The following DIPK2B variants were observed in gnomAD, a reference collection of about 807,000 sequenced individuals.
DIPK2B encodes UPF0672 protein CXorf36.
In DIPK2B, 15 loss-of-function variants were observed where a neutral mutation model predicts 22.2. The ratio of observed to expected loss-of-function variants is 0.68; its 90% CI spans 0.45 to 1.04. The LOEUF (loss-of-function observed/expected upper bound fraction) is 1.04, where lower values mean the gene tolerates loss of function less well. Ranked by LOEUF, DIPK2B falls within the 50% of genes least tolerant of loss-of-function variation. The pLI is 0.00. For missense variants in DIPK2B, 345 were observed against 348.3 expected (o/e 0.99, Z 0.08); for synonymous variants, 163 against 153.2 (o/e 1.06, Z -0.47).
chrX:45,192,158 A>G (rs1434283876), intron 1 of DIPK2B, 143 bp from the exon 2 acceptor site: 6 of 612,394 alleles, frequency 9.8e-6, no homozygotes, highest in Non-Finnish European at 1.5e-5. Flanking sequence ...CTGTGAGAGG[A>G]CTATTTTTGC....
At position 45,191,196 on chromosome X, in the gene DIPK2B, C is replaced by T. The variant is rs1260482264; in HGVS notation, c.498+555G>A. On this transcript the variant is annotated intron_variant, in intron 2 of 4. Transcript: ENST00000398000. ...GCTGAAGTTCCCAGCACAGCATGCC[C>T]ATGGGAGTGGGTGGGAGGCTGTCAG... is the stretch of plus-strand genomic sequence containing the variant. 2.7e-5 allele frequency among the ~76,000 whole-genome samples: 3 copies of T among 112,533 alleles called. No individual in the cohort carries two copies. In the East Asian group the frequency reaches 8.4e-4, roughly 31 times the overall value.
chrX:45,156,871 A>G (rs1428460352), intron 3 of DIPK2B, among the ~76,000 whole-genome samples: 1 of 109,053 alleles, frequency 9.2e-6, no homozygotes, highest in African/African-American at 3.3e-5. Flanking sequence ...TTCCTCCTCT[A>G]CCTGCACCTT....
rs748641976 is a variant in DIPK2B, at chrX:45,160,221, T to A, written c.499-2333A>T. On this transcript the variant is annotated intron_variant, in intron 2 of 4. Transcript: ENST00000398000. ...TCTCAGGTAGATCTTTTTTTTTTTT[T>A]AATGAGACAAAGTTTCACTCTTGTC... Among the ~76,000 whole-genome samples the A allele has an allele frequency of 2.8e-5, 3 of 108,407 alleles. No individual in the cohort carries two copies. In the South Asian group the frequency reaches 1.2e-3, roughly 43 times the overall value. The allele number at this position is 108,407 out of a possible 115,157, so 94.1% of individuals were successfully genotyped here.
At chrX:45,188,560 T>A (rs895342018) in intron 2 of DIPK2B, among the ~76,000 whole-genome samples, 1 of 112,638 alleles carries the variant, frequency 8.9e-6, no homozygotes, top group Non-Finnish European at 1.9e-5. Context: ...TATGGCTTAT[T>A]CTTTTTAAAA....
intron 2 of DIPK2B, among the ~76,000 whole-genome samples, chrX:45,159,851 T>C (rs930703197): frequency 1.8e-5 from 2 of 112,398 alleles, no homozygotes; most frequent in African/African-American, 6.5e-5. Context: ...ATTAAAATTA[T>C]ACATTCAAAC....
At chrX:45,182,128 T>G (rs187461777) in intron 2 of DIPK2B, among the ~76,000 whole-genome samples, 170 of 108,026 alleles carry the variant, frequency 1.6e-3, no homozygotes, top group Non-Finnish European at 1.9e-3. Context: ...CCAGCCTGGA[T>G]GAAGATATTT....
rs187454505 is a variant in DIPK2B at position 45,166,572 on chromosome X, C to T, written c.499-8684G>A. On this transcript the variant is annotated intron_variant, in intron 2 of 4. Coordinates refer to ENST00000398000, the MANE Select transcript of DIPK2B (RefSeq NM_176819.4). ...TGTCATAGCATTCACCATCCTGTGC[C>T]CCGGTATAACCACATTATCCTCAAG... 9.0e-5 allele frequency among the ~76,000 whole-genome samples: 10 copies of T among 111,398 alleles called. No individual in the cohort carries two copies. In the East Asian group the frequency reaches 1.7e-3, roughly 19 times the overall value.
At position 45,164,242 on chromosome X, in the gene DIPK2B, T is replaced by C. The variant is rs375902907; in HGVS notation, c.499-6354A>G. On this transcript the variant is annotated intron_variant, in intron 2 of 4. Transcript: ENST00000398000. ...GAACTTTAGTTCTCTCTGGCCCTGG[T>C]GACAGTCCTGAAAATTTAAAATGAT... The C allele has an allele frequency of 6.7e-6, 8 of 1,197,887 alleles. No homozygotes were observed. In the East Asian group the frequency reaches 2.4e-4, roughly 36 times the overall value.
Position 45,148,389 on chromosome X carries a change from G to A in DIPK2B, c.*3263C>T, listed in dbSNP as rs930087047. 1 of 111,013 alleles carries A rather than the reference G, an allele frequency of 9.0e-6. No homozygotes were observed. Among genetic ancestry groups the A allele is most frequent in the Non-Finnish European group, 1.9e-5 (1 of 53,020 alleles). 9.1% of individuals were successfully genotyped at this position (111,013 alleles called of 1,213,427 possible). A position where few individuals can be genotyped will look rare whatever the true frequency, so the allele number is the denominator to read the frequency against. ...GAGGCTGGGTAATTGATAAAGAAAA[G>A]AGCTTTATTTTGGTTTATGGTTCTG... On this transcript the variant is annotated 3_prime_UTR_variant, in exon 5 of 5. Coordinates refer to ENST00000398000, the MANE Select transcript of DIPK2B (RefSeq NM_176819.4).
intron 3 of DIPK2B, among the ~76,000 whole-genome samples, chrX:45,155,044 T>C (rs1040916708): frequency 1.8e-5 from 2 of 112,526 alleles, no homozygotes; most frequent in Middle Eastern, 4.2e-3. Context: ...TCCCAGCACT[T>C]TGGGAGGCCG....
At chrX:45,181,861 A>G (rs980908415) in intron 2 of DIPK2B, among the ~76,000 whole-genome samples, 9 of 111,704 alleles carry the variant, frequency 8.1e-5, no homozygotes, top group African/African-American at 2.3e-4. Flanking sequence ...AAGAATTCCA[A>G]TTCATCAAAA....
chrX:45,157,680 C>G (rs750173316), intron 3 of DIPK2B, 35 bp downstream of exon 3: 5 of 1,151,448 alleles, frequency 4.3e-6, no homozygotes, highest in East Asian at 6.4e-5. Flanking sequence ...CAAGATTGAC[C>G]CCCAACCTAG....
At chrX:45,185,230 A>G (rs1176141010) in intron 2 of DIPK2B, among the ~76,000 whole-genome samples, 1 of 112,384 alleles carries the variant, frequency 8.9e-6, no homozygotes. Context: ...GGACATGCAT[A>G]GAGGGACAGC....
chrX:45,157,957 A>T, intron 2 of DIPK2B, 69 bp from the exon 3 acceptor site: 23 of 298,228 alleles, frequency 7.7e-5, no homozygotes, highest in Non-Finnish European at 1.0e-4. Flanking sequence ...GGGGGTTAGC[A>T]GGAGGGGGAA....
intron 3 of DIPK2B, among the ~76,000 whole-genome samples, chrX:45,156,356 C>T (rs2148333863): frequency 9.0e-6 from 1 of 111,514 alleles, no homozygotes; most frequent in South Asian, 3.7e-4. Context: ...CACAGCCATT[C>T]CCGGGTTCCA....
chrX:45,181,299 T>G (rs749457551), intron 2 of DIPK2B, among the ~76,000 whole-genome samples: 3 of 112,223 alleles, frequency 2.7e-5, no homozygotes, highest in African/African-American at 9.7e-5. Flanking sequence ...GGTGTCACTT[T>G]TCTTCAAATT....
chrX:45,196,215 G>A (rs181886289), intron 1 of DIPK2B, among the ~76,000 whole-genome samples: 8 of 111,523 alleles, frequency 7.2e-5, no homozygotes, highest in Admixed American at 6.7e-4. Context: ...GATGCATGGA[G>A]GGCTGGATGG....
At chrX:45,198,077 T>A (rs747901062) in intron 1 of DIPK2B, among the ~76,000 whole-genome samples, 5 of 112,286 alleles carry the variant, frequency 4.5e-5, no homozygotes, top group African/African-American at 1.6e-4. Flanking sequence ...CATTTAATAA[T>A]GTGGAAAGAT....
At chrX:45,189,202 G>A (rs1306731687) in intron 2 of DIPK2B, among the ~76,000 whole-genome samples, 1 of 112,718 alleles carries the variant, frequency 8.9e-6, no homozygotes, top group Admixed American at 9.4e-5. Flanking sequence ...CCACATAGAA[G>A]TTTTTGTTTG....
Sources: allele counts gnomAD v4.1 joint callset (sites outside exome capture counted in the v4.1 genomes callset), GRCh38; gene constraint gnomAD v4.1.1; transcripts MANE v1.5; gene names NCBI Gene and HGNC (gene_info 2026-07-23, HGNC 2026-07-21).